Variants in NCBP1 observed in about 807,000 individuals in gnomAD.
The protein encoded by NCBP1 is nuclear cap binding protein subunit 1, also known as nuclear cap-binding protein subunit 1.
In NCBP1, 16 loss-of-function variants were observed where a neutral mutation model predicts 111.7. That is an observed-to-expected ratio of 0.14 (90% confidence interval 0.10 to 0.22). The LOEUF is 0.22. Ranked by LOEUF, NCBP1 falls within the 10% of genes least tolerant of loss-of-function variation. The pLI, the probability that NCBP1 is intolerant of heterozygous loss-of-function variation, is 1.00. For missense variants in NCBP1, 607 were observed against 957.5 expected (o/e 0.63, Z 4.83); for synonymous variants, 304 against 314.3 (o/e 0.97, Z 0.35).
In NCBP1 at chr9:97,645,627, A is replaced by T. The variant is rs1259880389; in HGVS notation, c.506A>T (p.Tyr169Phe). Reference protein sequence around the residue: ...EDVPQVRRDWYVYAFLSSLPW... With the variant: ...EDVPQVRRDWFVYAFLSSLPW... ...ATCCTTTAGGTGCGACGAGATTGGT[A>T]TGTGTATGCATTTCTGTCATCTTTG... Residue 169 changes from tyrosine to phenylalanine, a missense_variant, in exon 6 of 23, where the codon TAT becomes TTT. Physicochemically the swap from Tyr to Phe is conservative, Grantham distance 22. This residue lies in a region of NCBP1 where 185 missense variants were observed against 272.0 expected (regional missense o/e 0.68). Transcript: ENST00000375147. 1 of 1,613,792 alleles carries T rather than the reference A, an allele frequency of 6.2e-7. No homozygotes were observed. The highest frequency in any genetic ancestry group is 1.1e-5 in the South Asian group (1 of 91,038).
At chr9:97,634,098 C>T (rs1438901384) in intron 1 of NCBP1, among the ~76,000 whole-genome samples, 183 bp downstream of exon 1, 3 of 152,244 alleles carry the variant, frequency 2.0e-5, no homozygotes, top group Non-Finnish European at 4.4e-5. Flanking sequence ...GACTTCTCCC[C>T]CGCCCCAGTT....
rs1451265906 is a variant in NCBP1, at chr9:97,649,347, T to TA, written c.897+1125dup. 3.9e-5 allele frequency among the ~76,000 whole-genome samples: 6 copies of TA among 152,258 alleles called. 1 individual carries two copies. The East Asian group carries it at 1.2e-3, about 29-fold the overall frequency. ...CTGATCTCTACCCTCTAAATGTCAATAGCACTCTCCCTGCCTCAGTTTTGA... is the reference window on the plus strand; with the variant it reads ...CTGATCTCTACCCTCTAAATGTCAATAAGCACTCTCCCTGCCTCAGTTTTGA... On this transcript the variant is annotated intron_variant, in intron 8 of 22. Coordinates refer to ENST00000375147, the MANE Select transcript of NCBP1 (RefSeq NM_002486.5).
chr9:97,650,451 A>G, intron 8 of NCBP1, 52 bp from the exon 9 acceptor site: 1 of 1,356,410 alleles, frequency 7.4e-7, no homozygotes, highest in African/African-American at 1.5e-5. Flanking sequence ...TGAATAAGTA[A>G]AAGAAATCTG....
At chr9:97,645,076 G>T (rs1289602552) in intron 4 of NCBP1, 41 bp from the exon 5 acceptor site, 1 of 1,417,128 alleles carries the variant, frequency 7.1e-7, no homozygotes, top group Non-Finnish European at 1.0e-6. Context: ...TTATTATAAA[G>T]AACATTTAGG....
At chr9:97,648,572 C>T (rs2131341578) in intron 8 of NCBP1, among the ~76,000 whole-genome samples, 1 of 152,146 alleles carries the variant, frequency 6.6e-6, no homozygotes, top group South Asian at 2.1e-4. Flanking sequence ...CTTTCATTTC[C>T]TGAAGGTAAT....
At chr9:97,644,900 G>A (rs1413575489) in intron 4 of NCBP1, among the ~76,000 whole-genome samples, 1 of 151,940 alleles carries the variant, frequency 6.6e-6, no homozygotes, top group East Asian at 1.9e-4. Flanking sequence ...CATGTAATTT[G>A]TATATGTCAT....
intron 9 of NCBP1, 116 bp downstream of exon 9, chr9:97,650,716 C>A: frequency 1.3e-6 from 1 of 771,208 alleles, no homozygotes; most frequent in Non-Finnish European, 2.1e-6. Context: ...GACTCCCTGT[C>A]TTGCTAAAAT....
In NCBP1 at chr9:97,671,580, G is replaced by T. The variant is rs1828195298; in HGVS notation, c.*381G>T. ...CTACCCAGTAGCATAACTTTTCACA[G>T]CTCGGGGATGAATTAACATGGCTGA... On this transcript the variant is annotated 3_prime_UTR_variant, in exon 23 of 23. Transcript: ENST00000375147. 6.3e-6 allele frequency: 1 copy of T among 158,380 alleles called. No homozygotes were observed. The highest frequency in any genetic ancestry group is 1.4e-5 in the Non-Finnish European group (1 of 72,406). The allele number at this position is 158,380 out of a possible 1,614,324, so 9.8% of individuals were successfully genotyped here.
chr9:97,664,319 T>G, intron 18 of NCBP1, 21 bp from the exon 19 acceptor site: 1 of 1,475,372 alleles, frequency 6.8e-7, no homozygotes, highest in Non-Finnish European at 9.5e-7. Context: ...GTGATTTACT[T>G]GAATAATTCT....
intron 11 of NCBP1, 84 bp from the exon 12 acceptor site, chr9:97,654,796 T>G (rs1373712294): frequency 8.5e-7 from 1 of 1,181,960 alleles, no homozygotes; most frequent in East Asian, 2.4e-5. Flanking sequence ...TATAAAGACT[T>G]GAAATGTTTT....
chr9:97,641,524 G>T, intron 2 of NCBP1, 38 bp from the exon 3 acceptor site: 1 of 1,438,496 alleles, frequency 7.0e-7, no homozygotes, highest in Non-Finnish European at 9.2e-7. Context: ...TTATGTTGCT[G>T]AGTACTTGAC....
intron 19 of NCBP1, among the ~76,000 whole-genome samples, chr9:97,664,772 C>T (rs1400467612): frequency 1.3e-5 from 2 of 152,102 alleles, no homozygotes; most frequent in Non-Finnish European, 2.9e-5. Flanking sequence ...AGATGGAACT[C>T]GGGAAGGGTT....
chr9:97,649,952 T>TA (rs1315459721), intron 8 of NCBP1, among the ~76,000 whole-genome samples: 14 of 151,980 alleles, frequency 9.2e-5, no homozygotes, highest in Admixed American at 3.3e-4. Context: ...TTAGAAATTG[T>TA]AAAAAAAAGA....
At chr9:97,653,175 C>T (rs955677766) in intron 10 of NCBP1, among the ~76,000 whole-genome samples, 1 of 141,042 alleles carries the variant, frequency 7.1e-6, no homozygotes, top group African/African-American at 2.8e-5. Flanking sequence ...GGCTGGAGTA[C>T]AGTGACACGA....
intron 10 of NCBP1, 85 bp from the exon 11 acceptor site, chr9:97,653,713 G>A: frequency 2.1e-6 from 2 of 943,396 alleles, no homozygotes; most frequent in Non-Finnish European, 3.3e-6. Context: ...TGGAGTTAGA[G>A]CTCAGATTTA....
intron 1 of NCBP1, among the ~76,000 whole-genome samples, chr9:97,637,544 A>AT (rs1021608491): frequency 1.6e-4 from 25 of 152,128 alleles, no homozygotes; most frequent in African/African-American, 6.0e-4. Context: ...ACTGTGGCTG[A>AT]TTTTTTTACT....
intron 10 of NCBP1, among the ~76,000 whole-genome samples, chr9:97,652,670 G>A (rs1229312541): frequency 6.6e-6 from 1 of 152,162 alleles, no homozygotes; most frequent in African/African-American, 2.4e-5. Flanking sequence ...TGTATTAAGA[G>A]TCGTATCCTC....
chr9:97,637,163 G>T (rs897815605), intron 1 of NCBP1, among the ~76,000 whole-genome samples: 1 of 152,124 alleles, frequency 6.6e-6, no homozygotes, highest in African/African-American at 2.4e-5. Flanking sequence ...TTATACTTCT[G>T]TGTTGAGACT....
At chr9:97,640,686 T>TA in intron 1 of NCBP1, 108 bp from the exon 2 acceptor site, 2 of 842,646 alleles carry the variant, frequency 2.4e-6, no homozygotes, top group Non-Finnish European at 3.7e-6. Context: ...TTCTACTCTG[T>TA]AAAAACATAG....
Sources: gnomAD v4.1 joint callset for allele counts (sites outside exome capture counted in the v4.1 genomes callset) on GRCh38, gnomAD v4.1.1 for gene constraint, gnomAD v4.1.1 regional missense constraint, MANE v1.5 for transcripts, NCBI Gene and HGNC (gene_info 2026-07-23, HGNC 2026-07-21) for gene names.